Variants in NRXN3 observed in about 807,000 individuals in gnomAD.
NRXN3 encodes neurexin 3, also known as neurexin III.
In NRXN3, 32 loss-of-function variants were observed where a neutral mutation model predicts 137.6. That is an observed-to-expected ratio of 0.23 (90% CI 0.18 to 0.31). The LOEUF is 0.31. NRXN3 is among the 10% of genes least tolerant of loss of function. The pLI is 1.00. For synonymous variants in NRXN3, 798 were observed against 784.5 expected, an observed-to-expected ratio of 1.02 and a Z score of -0.29; for missense variants, 1,574 against 2,062.5, an observed-to-expected ratio of 0.76 and a Z score of 4.59.
chr14:79,590,480 A>G (rs2097794513), intron 16 of NRXN3, among the ~76,000 whole-genome samples: 1 of 150,572 alleles, frequency 6.6e-6, no homozygotes, highest in South Asian at 2.1e-4. Context: ...ACTGTCAAAA[A>G]TAAGCACACT....
At chr14:79,112,899 G>T (rs530492225) in intron 15 of NRXN3, among the ~76,000 whole-genome samples, 1 of 152,284 alleles carries the variant, frequency 6.6e-6, no homozygotes, top group South Asian at 2.1e-4. Flanking sequence ...TGATGAAAAA[G>T]ATTAGGCAAA....
intron 16 of NRXN3, among the ~76,000 whole-genome samples, chr14:79,573,913 A>T (rs1029809746): frequency 2.0e-5 from 3 of 152,134 alleles, no homozygotes; most frequent in Non-Finnish European, 4.4e-5. Context: ...ATATATTATT[A>T]ATAACAATAA....
At chr14:79,285,309 T>A (rs1256901828) in intron 15 of NRXN3, among the ~76,000 whole-genome samples, 2 of 152,194 alleles carry the variant, frequency 1.3e-5, no homozygotes, top group African/African-American at 4.8e-5. Context: ...TACATTTTAG[T>A]AAATGAACTT....
At chr14:79,358,585 GAGAA>G (rs1216743218) in intron 15 of NRXN3, among the ~76,000 whole-genome samples, 82 of 78,080 alleles carry the variant, frequency 1.1e-3, no homozygotes, top group East Asian at 2.6e-3. Flanking sequence ...GAAAGAAAGA[GAGAA>G]AGAAAGAAAG....
At chr14:78,797,951 C>T (rs2098827182) in intron 8 of NRXN3, among the ~76,000 whole-genome samples, 2 of 152,188 alleles carry the variant, frequency 1.3e-5, no homozygotes, top group South Asian at 4.1e-4. Flanking sequence ...TTATCTCCCA[C>T]CAGGTCCCTC....
chr14:79,426,222 C>T (rs2095652785), intron 15 of NRXN3, among the ~76,000 whole-genome samples: 2 of 152,278 alleles, frequency 1.3e-5, no homozygotes, highest in Admixed American at 6.5e-5. Context: ...AACCTCCTTT[C>T]ACCTCCTGGC....
chr14:78,609,284 C>G (rs937708405), intron 4 of NRXN3, among the ~76,000 whole-genome samples: 1 of 150,784 alleles, frequency 6.6e-6, no homozygotes, highest in African/African-American at 2.5e-5. Flanking sequence ...CATGAGATAA[C>G]CTCCATGAAA....
chr14:79,018,461 TC>T (rs1391015503), intron 15 of NRXN3, among the ~76,000 whole-genome samples: 1 of 152,008 alleles, frequency 6.6e-6, no homozygotes, highest in African/African-American at 2.4e-5. Flanking sequence ...AAGTGATTTC[TC>T]CACTTTCTGA....
intron 16 of NRXN3, among the ~76,000 whole-genome samples, chr14:79,496,087 G>C (rs537971742): frequency 6.6e-6 from 1 of 152,116 alleles, no homozygotes. Context: ...AATGATGTTC[G>C]TAATCCAGTG....
chr14:78,917,405 A>G (rs1282222650), intron 10 of NRXN3, among the ~76,000 whole-genome samples: 1 of 152,228 alleles, frequency 6.6e-6, no homozygotes, highest in East Asian at 1.9e-4. Context: ...AACAAATCCT[A>G]TGATAGGAGT....
In NRXN3 at chr14:78,236,391, C is replaced by T. The variant is rs538457520; in HGVS notation, c.-703-6000C>T. Among the ~76,000 whole-genome samples the T allele has an allele frequency of 3.3e-5, 5 of 152,294 alleles. No individual in the cohort carries two copies. The South Asian group carries it at 6.2e-4, about 19-fold the overall frequency. The stretch of plus-strand genomic sequence containing the variant: ...ATATTATGTATGTGAGATTCATCCA[C>T]GCTTCTGTCGAGATGAAGAGCAATC... On this transcript the variant is annotated intron_variant, in intron 1 of 20. Transcript: ENST00000335750.
chr14:79,811,672 C>T (rs1404884396), intron 20 of NRXN3, among the ~76,000 whole-genome samples: 1 of 148,840 alleles, frequency 6.7e-6, no homozygotes, highest in Non-Finnish European at 1.5e-5. Flanking sequence ...AGCTCCGCCT[C>T]GTGGGTTCAC....
intron 19 of NRXN3, among the ~76,000 whole-genome samples, chr14:79,724,942 G>GA (rs2098874104): frequency 6.6e-6 from 1 of 151,854 alleles, no homozygotes; most frequent in African/African-American, 2.4e-5. Context: ...ATCTAATAAT[G>GA]AAAAAAAGAG....
intron 20 of NRXN3, among the ~76,000 whole-genome samples, chr14:79,820,428 G>A (rs2099268069): frequency 6.6e-6 from 1 of 152,182 alleles, no homozygotes; most frequent in African/African-American, 2.4e-5. Context: ...ATCAGGCTAT[G>A]AGAATACAGG....
intron 16 of NRXN3, among the ~76,000 whole-genome samples, chr14:79,478,889 GT>G (rs2096582702): frequency 6.6e-6 from 1 of 152,082 alleles, no homozygotes; most frequent in Non-Finnish European, 1.5e-5. Flanking sequence ...GCTGGACCCT[GT>G]AAGCTGTTGT....
intron 16 of NRXN3, among the ~76,000 whole-genome samples, chr14:79,610,711 T>G (rs1004629563): frequency 2.7e-4 from 41 of 152,248 alleles, no homozygotes; most frequent in Admixed American, 2.7e-3. Context: ...CAAAGACTCA[T>G]GCCCTTTTTT....
intron 19 of NRXN3, among the ~76,000 whole-genome samples, chr14:79,768,576 G>A (rs969011345): frequency 2.6e-5 from 4 of 152,072 alleles, no homozygotes; most frequent in Non-Finnish European, 4.4e-5. Context: ...TCTGTTAGAT[G>A]GAAAACTAAC....
chr14:79,768,015 G>A (rs551600541), intron 19 of NRXN3, among the ~76,000 whole-genome samples: 10 of 152,308 alleles, frequency 6.6e-5, no homozygotes, highest in South Asian at 4.1e-4. Context: ...GGTGACAGAC[G>A]GCACCTGGAA....
At chr14:79,482,777 A>G (rs1412184274) in intron 16 of NRXN3, among the ~76,000 whole-genome samples, 1 of 152,134 alleles carries the variant, frequency 6.6e-6, no homozygotes, top group South Asian at 2.1e-4. Context: ...AGACTGCACC[A>G]TTTTTGGTAA....
Sources: allele counts gnomAD v4.1 joint callset (sites outside exome capture counted in the v4.1 genomes callset), GRCh38; gene constraint gnomAD v4.1.1; transcripts MANE v1.5; gene names NCBI Gene and HGNC (gene_info 2026-07-23, HGNC 2026-07-21).